RBFOX1: variants seen among roughly 807,000 people sequenced by gnomAD.
RBFOX1 encodes the protein RNA binding fox-1 homolog 1.
A neutral mutation model predicts 57.7 loss-of-function variants in RBFOX1; 8 were observed. The observed-to-expected ratio is 0.14, with a 90% CI of 0.08 to 0.25. The LOEUF is 0.25. Among genes scored for constraint, RBFOX1 ranks in the 10% least tolerant of loss-of-function variants. The pLI is 1.00. For missense variants in RBFOX1, 611 were observed against 548.5 expected (o/e 1.11, Z -1.14); for synonymous variants, 326 against 222.4 (o/e 1.47, Z -4.15).
chr16:6,264,142 G>A (rs890875728), intron 1 of RBFOX1, among the ~76,000 whole-genome samples: 1 of 152,098 alleles, frequency 6.6e-6, no homozygotes, highest in Non-Finnish European at 1.5e-5. Flanking sequence ...ATTGCTTTGG[G>A]TTCCTTTTCT....
At chr16:6,304,290 A>G (rs1206747612) in intron 1 of RBFOX1, among the ~76,000 whole-genome samples, 1 of 151,994 alleles carries the variant, frequency 6.6e-6, no homozygotes, top group Admixed American at 6.5e-5. Flanking sequence ...TCCATCTCAA[A>G]AAAAAGAAAG....
intron 1 of RBFOX1, among the ~76,000 whole-genome samples, chr16:6,274,776 A>T (rs983731016): frequency 2.6e-5 from 4 of 152,206 alleles, no homozygotes; most frequent in Admixed American, 6.5e-5. Flanking sequence ...TCTAATTTAA[A>T]AGGGACATTT....
chr16:6,905,257 AT>A (rs201362807), intron 3 of RBFOX1, among the ~76,000 whole-genome samples: 2 of 151,582 alleles, frequency 1.3e-5, no homozygotes, highest in African/African-American at 2.4e-5. Context: ...TAAAAAAAAA[AT>A]TAAAAAAAAG....
intron 1 of RBFOX1, among the ~76,000 whole-genome samples, chr16:6,023,302 A>G (rs768952820): frequency 1.1e-4 from 16 of 151,940 alleles, no homozygotes; most frequent in South Asian, 1.0e-3. Flanking sequence ...CTGCTCCTGT[A>G]AGGTTTGAGC....
chr16:6,418,370 A>C (rs2093681993), intron 2 of RBFOX1, among the ~76,000 whole-genome samples: 1 of 152,178 alleles, frequency 6.6e-6, no homozygotes, highest in Non-Finnish European at 1.5e-5. Flanking sequence ...CTAAGGGCAC[A>C]TAATAAGAGC....
Position 5,861,270 on chromosome 16 carries a change from A to T in RBFOX1, c.319-6033A>T, listed in dbSNP as rs970056062. On this transcript the variant is annotated intron_variant, in intron 3 of 19. Coordinates refer to the RBFOX1 transcript ENST00000641259. ...TCTCCCCTTTGATACACGGTTGGCT[A>T]CATGCTTACACCCCCGTGCCACACA... Among the ~76,000 whole-genome samples the T allele has an allele frequency of 3.9e-5, 6 of 152,166 alleles. 1 individual carries two copies.
intron 2 of RBFOX1, among the ~76,000 whole-genome samples, chr16:5,545,520 C>G (rs139499703): frequency 2.4e-4 from 36 of 152,084 alleles, no homozygotes; most frequent in African/African-American, 8.7e-4. Flanking sequence ...ATATCATGGT[C>G]AAGGGTGGTT....
chr16:6,236,129 A>G (rs9926260), intron 1 of RBFOX1, among the ~76,000 whole-genome samples: 30,155 of 152,198 alleles, frequency 0.2, 3,649 homozygotes, highest in African/African-American at 0.34. Flanking sequence ...TAAAAGCAAA[A>G]CATATTCCAT....
intron 3 of RBFOX1, among the ~76,000 whole-genome samples, chr16:5,642,557 A>T (rs11076948): frequency 0.51 from 77,849 of 152,122 alleles, 24,304 homozygotes; most frequent in Non-Finnish European, 0.71. Flanking sequence ...GCAAGTGCTT[A>T]TTCCCATCAG....
At position 6,254,081 on chromosome 16, in the gene RBFOX1, A is replaced by G. The variant is rs111346336; in HGVS notation, c.-126-62914A>G. Among the ~76,000 whole-genome samples the G allele has an allele frequency of 1.3e-3, 204 of 152,248 alleles. 1 individual carries two copies. The highest frequency in any genetic ancestry group is 4.3e-3 in the African/African-American group (177 of 41,562). On this transcript the variant is annotated intron_variant, in intron 1 of 15. Transcript: ENST00000550418. ...TAATGGAAAGACAAACTTACGATCAAGGAATTCCAGTGAGAATTTTAGGTT... is the reference window on the plus strand; with the variant it reads ...TAATGGAAAGACAAACTTACGATCAGGGAATTCCAGTGAGAATTTTAGGTT...
intron 3 of RBFOX1, among the ~76,000 whole-genome samples, chr16:6,878,325 T>G (rs2062226346): frequency 6.6e-6 from 1 of 152,194 alleles, no homozygotes; most frequent in Admixed American, 6.5e-5. Flanking sequence ...TGACAGGTGC[T>G]GGAACATTTT....
chr16:7,409,719 G>A (rs1056695325), intron 4 of RBFOX1, among the ~76,000 whole-genome samples: 2 of 152,132 alleles, frequency 1.3e-5, no homozygotes, highest in South Asian at 4.1e-4. Flanking sequence ...TGATTTCGTT[G>A]GAAGTTAGAT....
intron 2 of RBFOX1, among the ~76,000 whole-genome samples, chr16:6,607,670 A>T (rs1481389752): frequency 2.7e-5 from 4 of 149,844 alleles, no homozygotes; most frequent in African/African-American, 9.9e-5. Context: ...CCCTCTCTGT[A>T]TTATGTCTGC....
intron 14 of RBFOX1, among the ~76,000 whole-genome samples, chr16:7,689,801 A>T (rs143633141): frequency 6.6e-6 from 1 of 152,244 alleles, no homozygotes; most frequent in African/African-American, 2.4e-5. Context: ...GGAAGAACTC[A>T]AATACCAAGA....
At chr16:6,464,481 G>T (rs1234704735) in intron 2 of RBFOX1, among the ~76,000 whole-genome samples, 10 of 152,146 alleles carry the variant, frequency 6.6e-5, no homozygotes, top group Non-Finnish European at 1.5e-5. Flanking sequence ...TAATAACGAA[G>T]TCCTACCCTG....
chr16:5,936,195 C>T (rs919801956), intron 4 of RBFOX1, among the ~76,000 whole-genome samples: 1 of 152,172 alleles, frequency 6.6e-6, no homozygotes, highest in Non-Finnish European at 1.5e-5. Flanking sequence ...GTGATCTTGG[C>T]TCACTGCAAC....
intron 1 of RBFOX1, chr16:6,038,747 T>TA (rs2095402594): frequency 6.7e-6 from 1 of 149,890 alleles, no homozygotes; most frequent in Non-Finnish European, 1.5e-5. Context: ...TTTTTTTTTT[T>TA]TTTCTTGAAC....
At chr16:7,548,550 C>G (rs868049059) in intron 5 of RBFOX1, among the ~76,000 whole-genome samples, 1 of 152,208 alleles carries the variant, frequency 6.6e-6, no homozygotes, top group Non-Finnish European at 1.5e-5. Flanking sequence ...GGAACTCATC[C>G]TAGTCTAGAG....
At chr16:7,134,354 C>G (rs954157899) in intron 4 of RBFOX1, among the ~76,000 whole-genome samples, 1 of 152,062 alleles carries the variant, frequency 6.6e-6, no homozygotes, top group Non-Finnish European at 1.5e-5. Flanking sequence ...TATATATAAC[C>G]GTCAAAGACT....
Sources: allele counts gnomAD v4.1 joint callset (sites outside exome capture counted in the v4.1 genomes callset), GRCh38; gene constraint gnomAD v4.1.1; transcripts MANE v1.5; gene names NCBI Gene and HGNC (gene_info 2026-07-23, HGNC 2026-07-21).